Variants in GRM7 observed in about 807,000 individuals in gnomAD.
GRM7 encodes the protein metabotropic glutamate receptor 7.
In GRM7, 35 loss-of-function variants were observed where a neutral mutation model predicts 84.5. The ratio of observed to expected loss-of-function variants is 0.41; its 90% confidence interval spans 0.32 to 0.55. The LOEUF (loss-of-function observed/expected upper bound fraction) is 0.55, where lower values mean the gene tolerates loss of function less well. Ranked by LOEUF, GRM7 falls within the 20% of genes least tolerant of loss-of-function variation. The probability of loss-of-function intolerance (pLI) is 0.19; values close to 1 mark genes in which losing one functional copy is unlikely to be tolerated. For missense variants in GRM7, 1,003 were observed against 1,194.6 expected, an observed-to-expected ratio of 0.84 and a Z score of 2.36; for synonymous variants, 487 against 455.1, an observed-to-expected ratio of 1.07 and a Z score of -0.89.
At chr3:6,988,128 C>T (rs1222552301) in intron 1 of GRM7, among the ~76,000 whole-genome samples, 2 of 148,150 alleles carry the variant, frequency 1.3e-5, no homozygotes, top group Non-Finnish European at 3.0e-5. Flanking sequence ...TCCAGAGTAG[C>T]TGGGACTACA....
At chr3:7,171,668 CA>C (rs563191376) in intron 2 of GRM7, among the ~76,000 whole-genome samples, 1 of 152,134 alleles carries the variant, frequency 6.6e-6, no homozygotes, top group Non-Finnish European at 1.5e-5. Context: ...GTGTATTAAA[CA>C]AACAAAAGGT....
At chr3:6,911,796 C>A (rs982450483) in intron 1 of GRM7, among the ~76,000 whole-genome samples, 1 of 152,092 alleles carries the variant, frequency 6.6e-6, no homozygotes, top group African/African-American at 2.4e-5. Context: ...AAGAGTAAAT[C>A]TTCCAAAGTT....
At chr3:7,168,647 C>A (rs927701113) in intron 2 of GRM7, among the ~76,000 whole-genome samples, 1 of 152,108 alleles carries the variant, frequency 6.6e-6, no homozygotes, top group Non-Finnish European at 1.5e-5. Context: ...CAAGCAAAGA[C>A]GACCCCATTC....
intron 2 of GRM7, among the ~76,000 whole-genome samples, chr3:7,147,328 T>A (rs1694143092): frequency 6.6e-6 from 1 of 152,116 alleles, no homozygotes; most frequent in Admixed American, 6.6e-5. Flanking sequence ...GAGACAAAAT[T>A]CTTACACTTA....
At chr3:7,422,528 C>A (rs186547516) in intron 5 of GRM7, among the ~76,000 whole-genome samples, 1 of 152,228 alleles carries the variant, frequency 6.6e-6, no homozygotes, top group South Asian at 2.1e-4. Flanking sequence ...TTACATATCC[C>A]GTTAGTTTCT....
intron 7 of GRM7, among the ~76,000 whole-genome samples, chr3:7,482,363 C>G (rs1217144032): frequency 6.6e-6 from 1 of 152,040 alleles, no homozygotes; most frequent in Non-Finnish European, 1.5e-5. Context: ...CTGACATAAC[C>G]TGAAGAAAGG....
rs377278758 is a variant in GRM7, at chr3:7,414,961, T to C, written c.1034-62T>C. The C allele has an allele frequency of 1.3e-3, 1,842 of 1,392,256 alleles. 35 individuals carry two copies. In the South Asian group the frequency reaches 0.024, roughly 18 times the overall value. The allele number at this position is 1,392,256 out of a possible 1,614,324, so 86.2% of individuals were successfully genotyped here. A position where few individuals can be genotyped will look rare whatever the true frequency, so the allele number is the denominator to read the frequency against. ...AAGAAAAAAAAAGTCACTTTTATTTTTATTTCTGAATGTGCCAGCAGTGCC... is the reference window on the plus strand; with the variant it reads ...AAGAAAAAAAAAGTCACTTTTATTTCTATTTCTGAATGTGCCAGCAGTGCC... On this transcript the variant is annotated intron_variant, in intron 4 of 9. Transcript: ENST00000357716.
intron 1 of GRM7, among the ~76,000 whole-genome samples, chr3:7,067,969 A>G (rs1379361273): frequency 6.6e-6 from 1 of 151,992 alleles, no homozygotes; most frequent in African/African-American, 2.4e-5. Context: ...TCCCAGCCGA[A>G]TATTCAGAAC....
chr3:7,023,995 G>C (rs890117315), intron 1 of GRM7, among the ~76,000 whole-genome samples: 6 of 152,142 alleles, frequency 3.9e-5, no homozygotes, highest in Non-Finnish European at 7.4e-5. Flanking sequence ...CTCCAGGCAG[G>C]CTCTGAAATC....
At chr3:6,936,574 T>TA (rs1697701834) in intron 1 of GRM7, among the ~76,000 whole-genome samples, 2 of 152,216 alleles carry the variant, frequency 1.3e-5, no homozygotes, top group Admixed American at 6.5e-5. Flanking sequence ...TGGATGTACT[T>TA]AAAAATTCTT....
intron 8 of GRM7, among the ~76,000 whole-genome samples, chr3:7,652,969 C>T (rs544280266): frequency 3.9e-5 from 6 of 152,192 alleles, no homozygotes; most frequent in African/African-American, 1.4e-4. Context: ...AACTCACCAT[C>T]CCTGTTGAAC....
chr3:6,886,295 C>A (rs1027687887), intron 1 of GRM7, among the ~76,000 whole-genome samples: 5 of 152,072 alleles, frequency 3.3e-5, no homozygotes, highest in African/African-American at 1.2e-4. Context: ...AATGATAACA[C>A]ATGGACACAG....
chr3:7,449,473 A>G (rs1276664929), intron 5 of GRM7, among the ~76,000 whole-genome samples: 4 of 152,180 alleles, frequency 2.6e-5, no homozygotes, highest in Non-Finnish European at 4.4e-5. Context: ...GATAATGGTT[A>G]ATAAATTTTA....
intron 1 of GRM7, among the ~76,000 whole-genome samples, chr3:6,982,645 C>T (rs973518749): frequency 2.6e-5 from 4 of 151,696 alleles, no homozygotes; most frequent in Non-Finnish European, 5.9e-5. Context: ...ATTACTTTAT[C>T]GTCAGAGTCT....
At chr3:7,280,363 A>C (rs1399539216) in intron 2 of GRM7, among the ~76,000 whole-genome samples, 1 of 152,172 alleles carries the variant, frequency 6.6e-6, no homozygotes, top group Non-Finnish European at 1.5e-5. Context: ...CAGTTTTCTC[A>C]TTTGGTAAAT....
rs116293449 is a variant in GRM7 at position 6,955,613 on chromosome 3, G to A, written c.519+93706G>A. On this transcript the variant is annotated intron_variant, in intron 1 of 9. Transcript: ENST00000357716. ...TAATCCTAGAACTTTAGGAGGCTGA[G>A]ATGGGCAGATTGTGAGGTCAGGAGT... is the stretch of plus-strand genomic sequence containing the variant. Among the ~76,000 whole-genome samples, 1,375 of 152,048 alleles carry A rather than the reference G, an allele frequency of 9.0e-3. 23 individuals are homozygous for A. Among genetic ancestry groups the A allele is most frequent in the East Asian group, 0.034 (176 of 5,166 alleles).
chr3:7,068,183 A>G (rs1400530055), intron 1 of GRM7, among the ~76,000 whole-genome samples: 3 of 152,066 alleles, frequency 2.0e-5, no homozygotes, highest in African/African-American at 7.2e-5. Context: ...GATTACTGAT[A>G]GAATAAATGT....
chr3:7,118,248 G>A (rs1041321456), intron 1 of GRM7, among the ~76,000 whole-genome samples: 1 of 151,576 alleles, frequency 6.6e-6, no homozygotes, highest in Admixed American at 6.6e-5. Flanking sequence ...AAAATTAGCT[G>A]GGCATGGTTG....
Position 6,903,162 on chromosome 3 carries a change from A to G in GRM7, c.519+41255A>G, listed in dbSNP as rs578026431. ...CCATATACCTTATTAATATTACCCT[A>G]TCAACAATGTATATGATCCATCTAT... On this transcript the variant is annotated intron_variant, in intron 1 of 9. Transcript: ENST00000357716. 2.5e-3 allele frequency among the ~76,000 whole-genome samples: 380 copies of G among 150,800 alleles called. 2 individuals are homozygous for G. Among genetic ancestry groups the G allele is most frequent in the African/African-American group, 8.7e-3 (357 of 41,266 alleles).
Sources: allele counts gnomAD v4.1 joint callset (sites outside exome capture counted in the v4.1 genomes callset), GRCh38; gene constraint gnomAD v4.1.1; transcripts MANE v1.5; gene names NCBI Gene and HGNC (gene_info 2026-07-23, HGNC 2026-07-21).